The following MTCL1 variants were observed in gnomAD, a reference collection of about 807,000 sequenced individuals.
The protein encoded by MTCL1 is microtubule crosslinking factor 1, also known as microtubule cross-linking factor 1.
MTCL1 carries 79 observed loss-of-function variants against 141.4 expected under a neutral mutation model. The observed-to-expected ratio is 0.56, with a 90% CI of 0.47 to 0.67. MTCL1 has a LOEUF of 0.67. MTCL1 is among the 30% of genes least tolerant of loss of function. The pLI is 0.00. For synonymous variants in MTCL1, 914 were observed against 875.8 expected, an observed-to-expected ratio of 1.04 and a Z score of -0.77; for missense variants, 2,177 against 2,113.9, an observed-to-expected ratio of 1.03 and a Z score of -0.59.
chr18:8,792,168 G>C (rs1253587417), intron 7 of MTCL1, among the ~76,000 whole-genome samples: 2 of 152,222 alleles, frequency 1.3e-5, no homozygotes, highest in African/African-American at 4.8e-5. Flanking sequence ...TAAATCACCT[G>C]TCTTCAAGTA....
intron 7 of MTCL1, chr18:8,789,407 T>G: frequency 3.0e-6 from 3 of 985,402 alleles, no homozygotes; most frequent in Non-Finnish European, 3.6e-6. Context: ...TGCTAGGCAC[T>G]CTAGTGATGG....
chr18:8,830,692 CTGAG>C lies in MTCL1; in HGVS notation c.*19-912_*19-909del. Reference sequence around the variant, plus strand: ...TCAGTTCACCTCAAGCTTCCAGTGTCTGAGTGTCATTCCAGCCAGCGGGCTCCAT... The same window carrying C: ...TCAGTTCACCTCAAGCTTCCAGTGTCTGTCATTCCAGCCAGCGGGCTCCAT... On this transcript the variant is annotated intron_variant, in intron 16 of 16. Transcript: ENST00000359865. This position sits in a 1 kb window ranked among gnomAD's most constrained non-coding sequence, Gnocchi z 6.4. 2.0e-6 allele frequency: 2 copies of C among 985,486 alleles called. No individual in the cohort carries two copies. The highest frequency in any genetic ancestry group is 2.4e-6 in the Non-Finnish European group (2 of 829,942). The allele number at this position is 985,486 out of a possible 1,614,324, so 61.0% of individuals were successfully genotyped here.
chr18:8,831,807 C>T, exon 17 of MTCL1: 2 of 1,550,168 alleles, frequency 1.3e-6, no homozygotes, highest in Non-Finnish European at 1.7e-6. Flanking sequence ...GAGATGCAAG[C>T]TTGCATGGAT....
Position 8,828,602 on chromosome 18 carries a change from G to C in MTCL1, c.4723-306G>C, listed in dbSNP as rs1362825755. 6.6e-6 allele frequency among the ~76,000 whole-genome samples: 1 copy of C among 152,170 alleles called. No individual in the cohort carries two copies. The highest frequency in any genetic ancestry group is 2.4e-5 in the African/African-American group (1 of 41,440). On this transcript the variant is annotated intron_variant, in intron 15 of 16. Transcript: ENST00000359865. This position sits in a 1 kb window ranked among gnomAD's most constrained non-coding sequence, Gnocchi z 5.2. The stretch of plus-strand genomic sequence containing the variant: ...CTGTTTGAAATGTTAAATGCTAAAG[G>C]GTGACTCGGAAGCATAGAAACTAGA...
exon 4 of MTCL1, chr18:8,720,356 G>C (rs1429728427): frequency 6.2e-7 from 1 of 1,614,180 alleles, no homozygotes; most frequent in South Asian, 1.1e-5. Flanking sequence ...AGATGTATCT[G>C]TCAGATTGCA....
At chr18:8,813,594 A>G (rs1385255011) in intron 12 of MTCL1, among the ~76,000 whole-genome samples, 3 of 152,204 alleles carry the variant, frequency 2.0e-5, no homozygotes, top group Non-Finnish European at 4.4e-5. Context: ...AACAAACTAT[A>G]ACTTTTAAGT....
intron 11 of MTCL1, chr18:8,809,432 C>T: frequency 6.5e-7 from 1 of 1,534,580 alleles, no homozygotes; most frequent in Non-Finnish European, 8.7e-7. Flanking sequence ...ACACACATCT[C>T]TCCATTTCCC....
chr18:8,808,096 AT>A (rs1470362477), intron 11 of MTCL1, among the ~76,000 whole-genome samples: 1 of 151,994 alleles, frequency 6.6e-6, no homozygotes, highest in Non-Finnish European at 1.5e-5. Flanking sequence ...TGCTGAGCTG[AT>A]AGCCCTGGGT....
intron 7 of MTCL1, among the ~76,000 whole-genome samples, chr18:8,788,341 G>A (rs777956014): frequency 7.2e-5 from 11 of 151,748 alleles, no homozygotes; most frequent in South Asian, 2.1e-4. Flanking sequence ...CTCTCTGCCC[G>A]TAGCTCCTCA....
At position 8,809,762 on chromosome 18, in the gene MTCL1, C is replaced by T. The variant is rs548497295; in HGVS notation, c.2604+2702C>T. 9.5e-6 allele frequency: 7 copies of T among 737,118 alleles called. No homozygotes were observed. The African/African-American group carries it at 1.2e-4, about 13-fold the overall frequency. 45.7% of individuals were successfully genotyped at this position (737,118 alleles called of 1,614,324 possible). ...ATGGGCCATCACTGAGACAGGAACG[C>T]AGAGAGACAACCAGTTGGGATGGAA... On this transcript the variant is annotated intron_variant, in intron 11 of 16. Coordinates refer to ENST00000359865, the Ensembl canonical transcript of MTCL1.
At chr18:8,730,818 C>G (rs1211262773) in intron 4 of MTCL1, among the ~76,000 whole-genome samples, 1 of 152,240 alleles carries the variant, frequency 6.6e-6, no homozygotes, top group Non-Finnish European at 1.5e-5. Context: ...ATCTATTTCT[C>G]TCCTTCTCTA....
exon 6 of MTCL1, chr18:8,784,734 C>T (rs557587831): frequency 3.2e-5 from 52 of 1,614,138 alleles, no homozygotes; most frequent in African/African-American, 9.3e-5. Flanking sequence ...GATGGCCTAT[C>T]CCCCTTGCCC....
At chr18:8,827,102 A>G (rs191284001) in intron 15 of MTCL1, among the ~76,000 whole-genome samples, 5 of 152,234 alleles carry the variant, frequency 3.3e-5, no homozygotes, top group African/African-American at 9.6e-5. Flanking sequence ...CCGGATGAAC[A>G]GGCTTCACAC....
At chr18:8,819,038 C>T (rs756257900) in exon 13 of MTCL1, 4 of 1,614,288 alleles carry the variant, frequency 2.5e-6, no homozygotes, top group Non-Finnish European at 3.4e-6. Context: ...TCGCCCCTTT[C>T]CCCACCAGGG....
At chr18:8,790,575 C>G (rs560304185) in intron 7 of MTCL1, among the ~76,000 whole-genome samples, 4 of 152,238 alleles carry the variant, frequency 2.6e-5, no homozygotes, top group African/African-American at 9.6e-5. Context: ...CTGTATCCCC[C>G]ACGCTTTAGA....
chr18:8,755,219 C>T (rs1484816246), intron 4 of MTCL1, among the ~76,000 whole-genome samples: 1 of 152,158 alleles, frequency 6.6e-6, no homozygotes, highest in Non-Finnish European at 1.5e-5. Flanking sequence ...CGTGACAGGA[C>T]GAGGGGCAGG....
At chr18:8,714,249 G>A (rs1030175916), upstream of MTCL1, among the ~76,000 whole-genome samples, 2 of 152,192 alleles carry the variant, frequency 1.3e-5, no homozygotes, top group African/African-American at 2.4e-5. Context: ...TTTGGACACA[G>A]GTAACTAGCC....
intron 11 of MTCL1, among the ~76,000 whole-genome samples, chr18:8,808,218 C>T (rs2076367355): frequency 6.6e-6 from 1 of 152,164 alleles, no homozygotes; most frequent in Admixed American, 6.5e-5. Context: ...CTCTGTTTAT[C>T]TTAGTCCCCG....
chr18:8,784,063 G>C, exon 6 of MTCL1: 1 of 1,613,382 alleles, frequency 6.2e-7, no homozygotes, highest in Non-Finnish European at 8.5e-7. Flanking sequence ...CCCGGGAGCC[G>C]GGCTGGCTAG....
Sources: gnomAD v4.1 joint callset for allele counts (sites outside exome capture counted in the v4.1 genomes callset) on GRCh38, gnomAD v4.1.1 for gene constraint, Gnocchi (gnomAD v3.1) non-coding constraint, MANE v1.5 for transcripts, NCBI Gene and HGNC (gene_info 2026-07-23, HGNC 2026-07-21) for gene names.